SH3RF1: variants seen among roughly 807,000 people sequenced by gnomAD.
The protein encoded by SH3RF1 is SH3 domain containing ring finger 1.
SH3RF1 carries 32 observed loss-of-function variants against 74.0 expected under a neutral mutation model. The observed-to-expected ratio is 0.43, with a 90% CI of 0.33 to 0.58. The LOEUF is 0.58. SH3RF1 is among the 20% of genes least tolerant of loss of function. The pLI, the probability that SH3RF1 is intolerant of heterozygous loss-of-function variation, is 0.05. For missense variants in SH3RF1, 954 were observed against 1,130.9 expected (o/e 0.84, Z 2.24); for synonymous variants, 396 against 439.6 (o/e 0.90, Z 1.24).
intron 10 of SH3RF1, among the ~76,000 whole-genome samples, chr4:169,108,126 T>C (rs967135497): frequency 6.6e-6 from 1 of 152,234 alleles, no homozygotes; most frequent in Non-Finnish European, 1.5e-5. Context: ...ATGACCAAGC[T>C]TAACATGATC....
intron 11 of SH3RF1, among the ~76,000 whole-genome samples, chr4:169,106,367 T>G (rs1326612228): frequency 6.6e-6 from 1 of 151,954 alleles, no homozygotes; most frequent in Non-Finnish European, 1.5e-5. Context: ...ATATTTTCAG[T>G]GTGGCCCAAG....
chr4:169,203,177 T>C (rs1734938275), intron 2 of SH3RF1, among the ~76,000 whole-genome samples: 1 of 152,192 alleles, frequency 6.6e-6, no homozygotes, highest in Non-Finnish European at 1.5e-5. Flanking sequence ...CACATTCACA[T>C]AGCTGCTAAA....
chr4:169,221,321 A>G (rs928304205), intron 2 of SH3RF1, among the ~76,000 whole-genome samples: 10 of 152,194 alleles, frequency 6.6e-5, no homozygotes, highest in African/African-American at 2.4e-4. Context: ...TAAAAAAAAA[A>G]TAGGTCTCTC....
chr4:169,108,380 A>G (rs1454492664), intron 10 of SH3RF1, among the ~76,000 whole-genome samples: 1 of 152,228 alleles, frequency 6.6e-6, no homozygotes, highest in East Asian at 1.9e-4. Context: ...AATCCCTAAC[A>G]ACATTGTTCC....
At chr4:169,201,558 T>A (rs951676852) in intron 2 of SH3RF1, among the ~76,000 whole-genome samples, 1 of 152,220 alleles carries the variant, frequency 6.6e-6, no homozygotes, top group African/African-American at 2.4e-5. Flanking sequence ...TGTTGCTAAG[T>A]GTGTTCATCT....
At position 169,265,070 on chromosome 4, in the gene SH3RF1, C is replaced by T. The variant is rs1731331457; in HGVS notation, c.393+3750G>A. 2.6e-5 allele frequency among the ~76,000 whole-genome samples: 4 copies of T among 152,280 alleles called. 1 individual carries two copies. The South Asian group carries it at 8.3e-4, about 32-fold the overall frequency. On this transcript the variant is annotated intron_variant, in intron 2 of 11. Transcript: ENST00000284637. ...TGCAGGTCTTTCTTCTATCCTCTCC[C>T]CTAGCTTTGTGTCTTAGAACTTACT...
intron 2 of SH3RF1, among the ~76,000 whole-genome samples, chr4:169,173,593 G>A (rs1010588498): frequency 2.0e-5 from 3 of 152,130 alleles, no homozygotes; most frequent in Non-Finnish European, 4.4e-5. Flanking sequence ...TGAGGAGCTG[G>A]TGATCCTGAG....
chr4:169,266,611 A>T (rs947175403), intron 2 of SH3RF1, among the ~76,000 whole-genome samples: 31 of 11,490 alleles, frequency 2.7e-3, no homozygotes, highest in African/African-American at 7.9e-3. Flanking sequence ...TTTTTAAAAA[A>T]GGGGGGTGGG....
intron 2 of SH3RF1, among the ~76,000 whole-genome samples, chr4:169,242,791 C>G (rs1730934052): frequency 6.6e-6 from 1 of 152,204 alleles, no homozygotes; most frequent in Admixed American, 6.5e-5. Context: ...TATATGATGC[C>G]TTCTGCCATG....
chr4:169,246,196 T>C (rs752483474), intron 2 of SH3RF1, among the ~76,000 whole-genome samples: 9 of 152,206 alleles, frequency 5.9e-5, no homozygotes, highest in Non-Finnish European at 1.3e-4. Flanking sequence ...GAAATCAAAT[T>C]ATTTCAGAAT....
intron 11 of SH3RF1, among the ~76,000 whole-genome samples, 199 bp from the exon 12 acceptor site, chr4:169,096,886 T>C (rs1732940680): frequency 6.6e-6 from 1 of 152,234 alleles, no homozygotes; most frequent in Non-Finnish European, 1.5e-5. Flanking sequence ...GATATGTGTG[T>C]CAACCCACTA....
At chr4:169,260,495 C>A (rs1579168470) in intron 2 of SH3RF1, among the ~76,000 whole-genome samples, 1 of 152,122 alleles carries the variant, frequency 6.6e-6, no homozygotes, top group African/African-American at 2.4e-5. Flanking sequence ...GCAGCTGATG[C>A]AAAAGCCAGG....
chr4:169,225,063 G>C (rs1472890263), intron 2 of SH3RF1, among the ~76,000 whole-genome samples: 1 of 152,158 alleles, frequency 6.6e-6, no homozygotes, highest in African/African-American at 2.4e-5. Context: ...CCACATGCCT[G>C]GGAGTAAAGA....
intron 2 of SH3RF1, among the ~76,000 whole-genome samples, chr4:169,249,755 C>T (rs1016553684): frequency 6.6e-6 from 1 of 152,164 alleles, no homozygotes; most frequent in African/African-American, 2.4e-5. Flanking sequence ...GAAGCAAGTG[C>T]AGATTAAAGT....
At chr4:169,231,236 G>A (rs1464694053) in intron 2 of SH3RF1, among the ~76,000 whole-genome samples, 1 of 152,116 alleles carries the variant, frequency 6.6e-6, no homozygotes, top group Non-Finnish European at 1.5e-5. Flanking sequence ...TACTTTTTCT[G>A]GTCATGTTTG....
intron 2 of SH3RF1, among the ~76,000 whole-genome samples, chr4:169,165,645 G>A (rs937688933): frequency 1.3e-5 from 2 of 151,254 alleles, no homozygotes; most frequent in Admixed American, 6.6e-5. Flanking sequence ...GGCGGGGGGG[G>A]GAGTCAGGTA....
intron 2 of SH3RF1, among the ~76,000 whole-genome samples, chr4:169,209,312 C>T (rs1730319672): frequency 6.6e-6 from 1 of 151,470 alleles, no homozygotes; most frequent in South Asian, 2.1e-4. Flanking sequence ...AATGAGGCAG[C>T]AAGTTATAGA....
At chr4:169,116,242 A>G in intron 10 of SH3RF1, 27 bp downstream of exon 10, 1 of 1,560,748 alleles carries the variant, frequency 6.4e-7, no homozygotes, top group Non-Finnish European at 8.7e-7. Context: ...AGTAAAGCAG[A>G]GAAACAGTAA....
Position 169,117,680 on chromosome 4 carries a change from G to A in SH3RF1, c.1620C>T (p.Ala540=), listed in dbSNP as rs776677165. The A allele has an allele frequency of 6.2e-7, 1 of 1,614,140 alleles. No individual in the cohort carries two copies. Among genetic ancestry groups the A allele is most frequent in the Non-Finnish European group, 8.5e-7 (1 of 1,180,034 alleles). Reference sequence around the variant, plus strand: ...CCACGCCATTTCCCTGGAGCTTCTGGGCAGGCCCTCCTGCCGTGGAAGGAC... The same window carrying A: ...CCACGCCATTTCCCTGGAGCTTCTGAGCAGGCCCTCCTGCCGTGGAAGGAC... The part of the protein sequence containing the change: ...MVSPSTAGGP[A]QKLQGNGVAG... Residue 540 remains alanine, a synonymous_variant, in exon 9 of 12, where the codon GCC becomes GCT. Coordinates refer to ENST00000284637, the MANE Select transcript of SH3RF1 (RefSeq NM_020870.4).
Sources: allele counts gnomAD v4.1 joint callset (sites outside exome capture counted in the v4.1 genomes callset), GRCh38; gene constraint gnomAD v4.1.1; transcripts MANE v1.5; gene names NCBI Gene and HGNC (gene_info 2026-07-23, HGNC 2026-07-21).